Variants in ANKFN1 observed in about 807,000 individuals in gnomAD.
The protein encoded by ANKFN1 is ankyrin repeat and fibronectin type III domain containing 1.
ANKFN1 carries 74 observed loss-of-function variants against 108.7 expected under a neutral mutation model. The ratio of observed to expected loss-of-function variants is 0.68; its 90% CI spans 0.56 to 0.83. The LOEUF (loss-of-function observed/expected upper bound fraction) is 0.83. Ranked by LOEUF, ANKFN1 falls within the 40% of genes least tolerant of loss-of-function variation. The pLI is 0.00. For synonymous variants in ANKFN1, 547 were observed against 516.2 expected (o/e 1.06, Z -0.81); for missense variants, 1,505 against 1,382.3 (o/e 1.09, Z -1.41).
chr17:56,489,299 C>T (rs900334778), intron 18 of ANKFN1, among the ~76,000 whole-genome samples: 2 of 152,086 alleles, frequency 1.3e-5, no homozygotes, highest in Non-Finnish European at 1.5e-5. Flanking sequence ...CCATTTTATC[C>T]GTAAAATGCA....
At chr17:56,071,113 C>T (rs981572) in intron 4 of ANKFN1, among the ~76,000 whole-genome samples, 10,837 of 152,238 alleles carry the variant, frequency 0.071, 489 homozygotes, top group Admixed American at 0.14. Flanking sequence ...AAACAAGCTT[C>T]TCTCTGACTG....
intron 3 of ANKFN1, among the ~76,000 whole-genome samples, chr17:56,301,809 G>C (rs2044678445): frequency 6.6e-6 from 1 of 152,218 alleles, no homozygotes; most frequent in Admixed American, 6.5e-5. Flanking sequence ...ATATGACATT[G>C]ACTTTGGATC....
chr17:56,321,261 C>T (rs1234967407), intron 3 of ANKFN1, among the ~76,000 whole-genome samples: 2 of 151,726 alleles, frequency 1.3e-5, no homozygotes, highest in African/African-American at 4.8e-5. Context: ...TTTTTTGTCT[C>T]CTTTTTAGCA....
intron 3 of ANKFN1, among the ~76,000 whole-genome samples, chr17:56,289,637 G>A (rs954451741): frequency 6.6e-6 from 1 of 152,174 alleles, no homozygotes; most frequent in African/African-American, 2.4e-5. Context: ...TTCTCCTGGC[G>A]CCTGGAGCCC....
intron 3 of ANKFN1, among the ~76,000 whole-genome samples, chr17:56,262,482 G>T (rs1054328408): frequency 6.6e-6 from 1 of 152,202 alleles, no homozygotes; most frequent in Non-Finnish European, 1.5e-5. Flanking sequence ...GGGGAGGAGT[G>T]TTGGAGGGAT....
At chr17:56,388,272 G>A (rs1354153847) in intron 8 of ANKFN1, among the ~76,000 whole-genome samples, 3 of 151,712 alleles carry the variant, frequency 2.0e-5, no homozygotes, top group Non-Finnish European at 2.9e-5. Context: ...TCAGCCTCCC[G>A]AGTAGCTGAG....
At chr17:56,090,205 G>A (rs949072900) in intron 4 of ANKFN1, among the ~76,000 whole-genome samples, 1 of 151,242 alleles carries the variant, frequency 6.6e-6, no homozygotes. Flanking sequence ...GCTGTATAGT[G>A]TATGAGCCAG....
At chr17:56,096,523 T>C (rs1372692938) in intron 4 of ANKFN1, among the ~76,000 whole-genome samples, 2 of 152,170 alleles carry the variant, frequency 1.3e-5, no homozygotes, top group African/African-American at 2.4e-5. Flanking sequence ...AAATCTTTAC[T>C]GATGGTTTAG....
intron 15 of ANKFN1, chr17:56,473,299 A>T (rs2050383868): frequency 6.6e-6 from 1 of 152,180 alleles, no homozygotes; most frequent in Non-Finnish European, 1.5e-5. Context: ...GTGGAAATGG[A>T]GGTTGGAAAA....
chr17:56,349,211 A>C (rs1259017890), intron 4 of ANKFN1, among the ~76,000 whole-genome samples: 1 of 152,110 alleles, frequency 6.6e-6, no homozygotes, highest in African/African-American at 2.4e-5. Flanking sequence ...GGAACAACAC[A>C]TACTGGGTCC....
chr17:56,262,599 T>G (rs2043542990), intron 3 of ANKFN1, among the ~76,000 whole-genome samples: 2 of 152,214 alleles, frequency 1.3e-5, no homozygotes, highest in African/African-American at 4.8e-5. Flanking sequence ...GAAGGCAGTT[T>G]CTTTTGTAGC....
chr17:56,305,440 A>G (rs972834885), intron 3 of ANKFN1, among the ~76,000 whole-genome samples: 3 of 152,222 alleles, frequency 2.0e-5, no homozygotes, highest in Non-Finnish European at 4.4e-5. Flanking sequence ...CCATCTATGT[A>G]TCCTCTTCAG....
intron 4 of ANKFN1, among the ~76,000 whole-genome samples, chr17:56,337,403 AG>A (rs1254587719): frequency 6.6e-6 from 1 of 151,378 alleles, no homozygotes; most frequent in East Asian, 1.9e-4. Context: ...CTGGGTGCTC[AG>A]GCAAGGACTT....
At chr17:56,279,666 C>A (rs886312601) in intron 3 of ANKFN1, among the ~76,000 whole-genome samples, 7 of 152,168 alleles carry the variant, frequency 4.6e-5, no homozygotes, top group Non-Finnish European at 1.0e-4. Flanking sequence ...ACACAAAGAG[C>A]TAGATGACAT....
upstream of ANKFN1, among the ~76,000 whole-genome samples, chr17:56,149,674 A>T (rs1424078615): frequency 6.6e-6 from 1 of 152,212 alleles, no homozygotes; most frequent in African/African-American, 2.4e-5. Flanking sequence ...CCCTCCCCAG[A>T]TGAGAAGCCT....
At chr17:56,304,832 C>A (rs1315195164) in intron 3 of ANKFN1, among the ~76,000 whole-genome samples, 3 of 152,246 alleles carry the variant, frequency 2.0e-5, no homozygotes, top group African/African-American at 7.2e-5. Flanking sequence ...TTTTTGCCAT[C>A]TATAAAACCT....
chr17:56,163,767 C>T (rs1909896887), intron 1 of ANKFN1, among the ~76,000 whole-genome samples: 1 of 152,198 alleles, frequency 6.6e-6, no homozygotes, highest in African/African-American at 2.4e-5. Context: ...TTTTCCTTCC[C>T]TTCCAATGCC....
At chr17:56,114,138 A>G (rs1300552652) in intron 4 of ANKFN1, among the ~76,000 whole-genome samples, 1 of 152,196 alleles carries the variant, frequency 6.6e-6, no homozygotes, top group Non-Finnish European at 1.5e-5. Context: ...CATATTTTCT[A>G]TATTACTCTT....
chr17:56,488,134 G>A (rs2050912945), intron 18 of ANKFN1, among the ~76,000 whole-genome samples: 1 of 152,158 alleles, frequency 6.6e-6, no homozygotes, highest in Non-Finnish European at 1.5e-5. Flanking sequence ...GCTCATGGAG[G>A]ACTGATTGCA....
Sources: allele counts gnomAD v4.1 joint callset (sites outside exome capture counted in the v4.1 genomes callset), GRCh38; gene constraint gnomAD v4.1.1; transcripts MANE v1.5; gene names NCBI Gene and HGNC (gene_info 2026-07-23, HGNC 2026-07-21).